Variants in ASCC3 observed in about 807,000 individuals in gnomAD.
The protein encoded by ASCC3 is ASC-1 complex subunit P200.
A neutral mutation model predicts 256.3 loss-of-function variants in ASCC3; 158 were observed. That is an observed-to-expected ratio of 0.62 (90% CI 0.54 to 0.70). ASCC3 has a LOEUF of 0.70. ASCC3 is among the 30% of genes least tolerant of loss of function. The pLI is 0.00. For synonymous variants in ASCC3, 948 were observed against 883.4 expected (o/e 1.07, Z -1.30); for missense variants, 2,259 against 2,626.0 (o/e 0.86, Z 3.05).
At chr6:100,696,915 T>C (rs920843844) in intron 13 of ASCC3, among the ~76,000 whole-genome samples, 12 of 152,226 alleles carry the variant, frequency 7.9e-5, no homozygotes, top group Admixed American at 5.9e-4. Context: ...ATTACATATA[T>C]ATGCACACTG....
intron 13 of ASCC3, among the ~76,000 whole-genome samples, chr6:100,714,776 C>T (rs893971741): frequency 6.6e-6 from 1 of 151,980 alleles, no homozygotes; most frequent in Admixed American, 6.6e-5. Context: ...AGAAAAAATG[C>T]CTCAAGAATG....
In ASCC3 at chr6:100,601,818, CATG is replaced by C; in HGVS notation, c.5292_5294del (p.Ile1764del). ...ACTGCCCTTGCACTTACCTGGGATT[CATG>C]ATAAGACGTCGGAAAAAGTAAGTCC... On this transcript the variant is annotated inframe_deletion, in exon 34 of 42. Coordinates refer to ENST00000369162, the MANE Select transcript of ASCC3 (RefSeq NM_006828.4). 1 of 1,612,130 alleles carries C rather than the reference CATG, an allele frequency of 6.2e-7. No individual in the cohort carries two copies. Among genetic ancestry groups the C allele is most frequent in the Non-Finnish European group, 8.5e-7 (1 of 1,178,656 alleles).
intron 36 of ASCC3, among the ~76,000 whole-genome samples, chr6:100,545,416 T>C (rs1313514718): frequency 1.3e-5 from 2 of 152,216 alleles, no homozygotes; most frequent in African/African-American, 4.8e-5. Context: ...GACCTTGTGA[T>C]CTGCATGCCT....
intron 17 of ASCC3, among the ~76,000 whole-genome samples, chr6:100,654,810 G>A (rs1318651204): frequency 1.3e-5 from 2 of 151,550 alleles, no homozygotes; most frequent in South Asian, 2.1e-4. Context: ...TTTTCCTCCC[G>A]CAAGCCTTAA....
intron 4 of ASCC3, among the ~76,000 whole-genome samples, chr6:100,827,415 C>T (rs1394078047): frequency 2.0e-5 from 3 of 152,154 alleles, no homozygotes; most frequent in African/African-American, 4.8e-5. Context: ...GAAGGTCAAA[C>T]AGTTGGAATC....
At chr6:100,862,262 C>A (rs577410997) in intron 3 of ASCC3, among the ~76,000 whole-genome samples, 64 of 152,234 alleles carry the variant, frequency 4.2e-4, no homozygotes, top group African/African-American at 1.5e-3. Context: ...TTATATTGCC[C>A]CTAGGCTTAA....
At chr6:100,792,758 A>T (rs1219072404) in intron 8 of ASCC3, among the ~76,000 whole-genome samples, 1 of 151,964 alleles carries the variant, frequency 6.6e-6, no homozygotes, top group African/African-American at 2.4e-5. Flanking sequence ...CATCCAATTT[A>T]GAATGAAAAA....
At chr6:100,790,378 G>A (rs1769295441) in intron 8 of ASCC3, among the ~76,000 whole-genome samples, 1 of 151,914 alleles carries the variant, frequency 6.6e-6, no homozygotes. Flanking sequence ...AAACCTCTGT[G>A]TATCCACCAT....
At chr6:100,529,637 A>G (rs1316177061) in intron 37 of ASCC3, among the ~76,000 whole-genome samples, 1 of 152,208 alleles carries the variant, frequency 6.6e-6, no homozygotes, top group African/African-American at 2.4e-5. Flanking sequence ...AAATGTAGAA[A>G]TTTCTATGAA....
intron 4 of ASCC3, 94 bp from the exon 5 acceptor site, chr6:100,805,974 AAACT>A: frequency 8.2e-7 from 1 of 1,216,262 alleles, no homozygotes; most frequent in Non-Finnish European, 1.2e-6. Context: ...GTGTAAAGCC[AAACT>A]AATATAGAAA....
chr6:100,846,217 T>C (rs1772375346), intron 4 of ASCC3, among the ~76,000 whole-genome samples: 1 of 152,094 alleles, frequency 6.6e-6, no homozygotes, highest in South Asian at 2.1e-4. Context: ...AGGGAAACAA[T>C]TGTAGAAAAC....
At chr6:100,519,049 G>GTTAGTGGA (rs2114616369) in intron 37 of ASCC3, among the ~76,000 whole-genome samples, 1 of 152,164 alleles carries the variant, frequency 6.6e-6, no homozygotes, top group African/African-American at 2.4e-5. Context: ...AAAATCTGTT[G>GTTAGTGGA]TTAGTGGACT....
At chr6:100,699,087 G>A (rs1467545305) in intron 13 of ASCC3, among the ~76,000 whole-genome samples, 1 of 152,130 alleles carries the variant, frequency 6.6e-6, no homozygotes, top group Non-Finnish European at 1.5e-5. Context: ...GTACATGGTA[G>A]GCTATATCAT....
At position 100,630,276 on chromosome 6, in the gene ASCC3, T is replaced by C. The variant is rs553271034; in HGVS notation, c.4208+852A>G. On this transcript the variant is annotated intron_variant, in intron 26 of 41. Transcript: ENST00000369162. ...CTAAGCATAATGTTCACAAAGTATT[T>C]ACCTATTCTTGTTTATTTTAAAGAT... Among the ~76,000 whole-genome samples the C allele has an allele frequency of 3.3e-5, 5 of 152,274 alleles. No individual in the cohort carries two copies. In the South Asian group the frequency reaches 1.0e-3, roughly 32 times the overall value.
At chr6:100,567,224 T>TCTAAATCTTTTA (rs1770310191) in intron 36 of ASCC3, among the ~76,000 whole-genome samples, 1 of 152,106 alleles carries the variant, frequency 6.6e-6, no homozygotes, top group South Asian at 2.1e-4. Flanking sequence ...TGTACATTCA[T>TCTAAATCTTTTA]CTAAATCTTT....
chr6:100,762,401 G>C (rs1298036931), intron 10 of ASCC3, among the ~76,000 whole-genome samples: 1 of 152,170 alleles, frequency 6.6e-6, no homozygotes, highest in African/African-American at 2.4e-5. Context: ...CCACTGAAAA[G>C]TACAGTGAAC....
At chr6:100,650,203 CTCTTTA>C (rs1775592416) in intron 20 of ASCC3, among the ~76,000 whole-genome samples, 1 of 151,566 alleles carries the variant, frequency 6.6e-6, no homozygotes, top group South Asian at 2.1e-4. Context: ...TTTAACTTTT[CTCTTTA>C]TAAGTACTTT....
chr6:100,821,457 G>A (rs1282757047), intron 4 of ASCC3, among the ~76,000 whole-genome samples: 2 of 151,942 alleles, frequency 1.3e-5, no homozygotes, highest in African/African-American at 4.8e-5. Flanking sequence ...AAACCCAAAT[G>A]TTCATCAAAT....
At chr6:100,637,795 G>A (rs1774917953) in intron 25 of ASCC3, among the ~76,000 whole-genome samples, 1 of 152,158 alleles carries the variant, frequency 6.6e-6, no homozygotes, top group South Asian at 2.1e-4. Context: ...AGAATTAGAA[G>A]TGGAGCCTGA....
Sources: gnomAD v4.1 joint callset for allele counts (sites outside exome capture counted in the v4.1 genomes callset) on GRCh38, gnomAD v4.1.1 for gene constraint, MANE v1.5 for transcripts, NCBI Gene and HGNC (gene_info 2026-07-23, HGNC 2026-07-21) for gene names.